The following CDH13 variants were observed in gnomAD, a reference collection of about 807,000 sequenced individuals.
CDH13 encodes cadherin 13.
A neutral mutation model predicts 63.8 loss-of-function variants in CDH13; 24 were observed. The observed-to-expected ratio is 0.38, with a 90% CI of 0.27 to 0.53. The LOEUF (loss-of-function observed/expected upper bound fraction) is 0.53. Ranked by LOEUF, CDH13 falls within the 20% of genes least tolerant of loss-of-function variation. CDH13 has a pLI of 0.85. For synonymous variants in CDH13, 503 were observed against 355.3 expected, an observed-to-expected ratio of 1.42 and a Z score of -4.67; for missense variants, 1,049 against 903.1, an observed-to-expected ratio of 1.16 and a Z score of -2.07.
At chr16:82,660,537 C>G (rs1165427871) in intron 1 of CDH13, among the ~76,000 whole-genome samples, 2 of 152,082 alleles carry the variant, frequency 1.3e-5, no homozygotes, top group Admixed American at 1.3e-4. Flanking sequence ...AGAGCAAGAC[C>G]TGGCAAAACA....
At chr16:83,429,427 A>G (rs2072020330) in intron 6 of CDH13, among the ~76,000 whole-genome samples, 1 of 152,084 alleles carries the variant, frequency 6.6e-6, no homozygotes, top group Non-Finnish European at 1.5e-5. Context: ...TTTATTCATT[A>G]TCATGTCCCC....
intron 2 of CDH13, among the ~76,000 whole-genome samples, chr16:82,906,763 C>T (rs763226801): frequency 1.3e-5 from 2 of 152,174 alleles, no homozygotes; most frequent in African/African-American, 2.4e-5. Context: ...GATCCTTCCC[C>T]ACCCCTTCCT....
At chr16:83,247,971 G>A (rs968121266) in intron 5 of CDH13, among the ~76,000 whole-genome samples, 1 of 152,208 alleles carries the variant, frequency 6.6e-6, no homozygotes, top group African/African-American at 2.4e-5. Flanking sequence ...CATTTCTGAA[G>A]TCCAGGAAGC....
At chr16:83,402,166 T>C (rs1244558092) in intron 6 of CDH13, among the ~76,000 whole-genome samples, 1 of 152,180 alleles carries the variant, frequency 6.6e-6, no homozygotes, top group East Asian at 1.9e-4. Context: ...ATTATTATTA[T>C]TGTTGTTATT....
chr16:83,421,774 C>G (rs1464599564), intron 6 of CDH13, among the ~76,000 whole-genome samples: 2 of 152,180 alleles, frequency 1.3e-5, no homozygotes, highest in East Asian at 1.9e-4. Context: ...GAACAGCCAA[C>G]AAGATTGGCC....
intron 1 of CDH13, among the ~76,000 whole-genome samples, chr16:82,691,127 A>G (rs1915604805): frequency 6.6e-6 from 1 of 152,220 alleles, no homozygotes; most frequent in Non-Finnish European, 1.5e-5. Context: ...ACTCAGAGAT[A>G]TAACAATCAG....
intron 6 of CDH13, among the ~76,000 whole-genome samples, chr16:83,421,106 G>A (rs763695039): frequency 6.6e-6 from 1 of 152,198 alleles, no homozygotes; most frequent in Non-Finnish European, 1.5e-5. Flanking sequence ...AGGGAGATGA[G>A]AACAAGGGCT....
chr16:82,876,298 T>C (rs1407158111), intron 2 of CDH13, among the ~76,000 whole-genome samples: 1 of 152,366 alleles, frequency 6.6e-6, no homozygotes, highest in East Asian at 1.9e-4. Context: ...AATTAACATG[T>C]AATGTTGTTA....
rs760925208 is a variant in CDH13 at position 83,438,723 on chromosome 16, A to G, written c.782-47754A>G. On this transcript the variant is annotated intron_variant, in intron 6 of 13. Coordinates refer to ENST00000567109, the MANE Select transcript of CDH13 (RefSeq NM_001257.5). ...TTTTAAATATTTTCTCCATTTCACA[A>G]TTATAATCCCCCAAATGACAGAATG... Among the ~76,000 whole-genome samples the G allele has an allele frequency of 3.3e-5, 5 of 152,334 alleles. 1 individual carries two copies. Among genetic ancestry groups the G allele is most frequent in the Non-Finnish European group, 5.9e-5 (4 of 68,026 alleles).
intron 10 of CDH13, among the ~76,000 whole-genome samples, chr16:83,708,281 C>T (rs565175952): frequency 1.6e-4 from 25 of 152,236 alleles, no homozygotes; most frequent in African/African-American, 5.8e-4. Context: ...GGACAGTCAA[C>T]CAGACGTGTG....
chr16:83,233,584 T>C (rs1270675523), intron 5 of CDH13, among the ~76,000 whole-genome samples: 6 of 152,144 alleles, frequency 3.9e-5, no homozygotes, highest in Non-Finnish European at 8.8e-5. Flanking sequence ...TCCGACCTTT[T>C]CCAACTTTTG....
chr16:82,674,351 T>C (rs16958119), intron 1 of CDH13, among the ~76,000 whole-genome samples: 5,865 of 152,286 alleles, frequency 0.039, 400 homozygotes, highest in African/African-American at 0.13. Context: ...ATATTGTAAT[T>C]GGACCACTTA....
At chr16:83,348,121 C>T (rs976965179) in intron 6 of CDH13, among the ~76,000 whole-genome samples, 4 of 152,070 alleles carry the variant, frequency 2.6e-5, no homozygotes, top group East Asian at 1.9e-4. Context: ...ACCCAGGAGG[C>T]GGAAGTTGCA....
At chr16:83,380,076 T>C (rs1363105906) in intron 6 of CDH13, among the ~76,000 whole-genome samples, 4 of 151,820 alleles carry the variant, frequency 2.6e-5, no homozygotes, top group Non-Finnish European at 4.4e-5. Flanking sequence ...CAGAAACAAA[T>C]ATATGCCTAA....
chr16:83,076,151 TG>T (rs1207121430), intron 3 of CDH13, among the ~76,000 whole-genome samples: 1 of 152,150 alleles, frequency 6.6e-6, no homozygotes, highest in African/African-American at 2.4e-5. Context: ...GTGGCCCATA[TG>T]GGTATCAAAC....
chr16:83,535,936 A>AAAGGAAGG, intron 7 of CDH13, among the ~76,000 whole-genome samples: 1 of 118,316 alleles, frequency 8.5e-6, no homozygotes, highest in South Asian at 3.1e-4. Flanking sequence ...AGAAGGAAGG[A>AAAGGAAGG]AAGGAAGGAA....
At chr16:83,043,183 T>A (rs1917474361) in intron 3 of CDH13, among the ~76,000 whole-genome samples, 1 of 152,164 alleles carries the variant, frequency 6.6e-6, no homozygotes, top group Non-Finnish European at 1.5e-5. Flanking sequence ...TAAAAAGACA[T>A]CCTTCAATTC....
chr16:83,646,771 T>C (rs1323350322), intron 8 of CDH13, among the ~76,000 whole-genome samples: 1 of 149,922 alleles, frequency 6.7e-6, no homozygotes, highest in Non-Finnish European at 1.5e-5. Flanking sequence ...TTGAGTTAGC[T>C]CAATTCTACC....
intron 1 of CDH13, among the ~76,000 whole-genome samples, chr16:82,765,474 A>G (rs991126243): frequency 6.6e-6 from 1 of 152,064 alleles, no homozygotes; most frequent in Admixed American, 6.6e-5. Flanking sequence ...ATTGTTTCCA[A>G]CTGAAAATCC....
Sources: allele counts gnomAD v4.1 joint callset (sites outside exome capture counted in the v4.1 genomes callset), GRCh38; gene constraint gnomAD v4.1.1; transcripts MANE v1.5; gene names NCBI Gene and HGNC (gene_info 2026-07-23, HGNC 2026-07-21).